The following SLC35F1 variants were observed in gnomAD, a reference collection of about 807,000 sequenced individuals.
SLC35F1 encodes chromosome 6 open reading frame 169.
In SLC35F1, 14 loss-of-function variants were observed where a neutral mutation model predicts 48.7. The observed-to-expected ratio is 0.29, with a 90% confidence interval of 0.19 to 0.45. The LOEUF is 0.45. Ranked by LOEUF, SLC35F1 falls within the 20% of genes least tolerant of loss-of-function variation. The pLI, the probability that SLC35F1 is intolerant of heterozygous loss-of-function variation, is 1.00. For missense variants in SLC35F1, 404 were observed against 500.0 expected, an observed-to-expected ratio of 0.81 and a Z score of 1.83; for synonymous variants, 190 against 202.2, an observed-to-expected ratio of 0.94 and a Z score of 0.51.
Position 117,935,107 on chromosome 6 carries a change from C to CAATA in SLC35F1, c.173+27227_173+27230dup, listed in dbSNP as rs550483714. On this transcript the variant is annotated intron_variant, in intron 1 of 7. Transcript: ENST00000360388. ...GGGCAACAAGAGCAAAACTCCATCTCAATAAATAAATAAATAAATAAACTA... is the reference window on the plus strand; with the variant it reads ...GGGCAACAAGAGCAAAACTCCATCTCAATAAATAAATAAATAAATAAATAAACTA... 1.3e-3 allele frequency among the ~76,000 whole-genome samples: 200 copies of CAATA among 152,140 alleles called. 1 individual carries two copies. The highest frequency in any genetic ancestry group is 4.1e-3 in the African/African-American group (169 of 41,522).
intron 1 of SLC35F1, among the ~76,000 whole-genome samples, chr6:118,025,363 C>T (rs1279554151): frequency 6.6e-6 from 1 of 152,096 alleles, no homozygotes; most frequent in African/African-American, 2.4e-5. Flanking sequence ...GAAAAGTACC[C>T]TTTTTGTCAC....
chr6:118,103,172 A>C (rs1051992201), intron 1 of SLC35F1, among the ~76,000 whole-genome samples: 12 of 152,184 alleles, frequency 7.9e-5, no homozygotes, highest in African/African-American at 2.9e-4. Context: ...CATCAACCTT[A>C]AAAGTTGATG....
intron 1 of SLC35F1, among the ~76,000 whole-genome samples, chr6:118,111,300 C>T (rs1773396200): frequency 6.6e-6 from 1 of 152,130 alleles, no homozygotes; most frequent in African/African-American, 2.4e-5. Flanking sequence ...ATCATATTCA[C>T]ACTGCAGAAA....
At chr6:118,013,259 C>T (rs188774124) in intron 1 of SLC35F1, among the ~76,000 whole-genome samples, 61 of 152,200 alleles carry the variant, frequency 4.0e-4, no homozygotes, top group African/African-American at 1.4e-3. Flanking sequence ...CTTTGAAGCT[C>T]GTCCAGGTGC....
intron 1 of SLC35F1, among the ~76,000 whole-genome samples, chr6:118,050,063 T>G (rs2114909183): frequency 6.6e-6 from 1 of 152,116 alleles, no homozygotes; most frequent in Admixed American, 6.5e-5. Context: ...ATGTCCTTTG[T>G]AGGGACATAG....
At chr6:118,294,841 CA>C (rs1015831874) in intron 7 of SLC35F1, among the ~76,000 whole-genome samples, 1 of 151,792 alleles carries the variant, frequency 6.6e-6, no homozygotes, top group Non-Finnish European at 1.5e-5. Flanking sequence ...AGAGAGATTT[CA>C]AAATCAGTTA....
intron 2 of SLC35F1, among the ~76,000 whole-genome samples, chr6:118,156,286 CA>C (rs1774139707): frequency 6.6e-6 from 1 of 151,956 alleles, no homozygotes. Context: ...TATTCTGAGC[CA>C]AATATGAGTG....
At chr6:118,138,914 G>C (rs913476534) in intron 1 of SLC35F1, among the ~76,000 whole-genome samples, 3 of 151,740 alleles carry the variant, frequency 2.0e-5, no homozygotes, top group Non-Finnish European at 4.4e-5. Context: ...CATCATATCA[G>C]TTCACTTATA....
At chr6:118,212,727 AAAGG>A (rs755835187) in intron 2 of SLC35F1, among the ~76,000 whole-genome samples, 23,777 of 93,282 alleles carry the variant, frequency 0.25, 3,085 homozygotes, top group Non-Finnish European at 0.27. Flanking sequence ...GGAAGGAAGG[AAAGG>A]AAGGAAGGAA....
intron 1 of SLC35F1, among the ~76,000 whole-genome samples, chr6:118,119,503 C>CCCA (rs1491187027): frequency 1.8e-5 from 1 of 56,944 alleles, no homozygotes; most frequent in Non-Finnish European, 3.0e-5. Flanking sequence ...CGCCCCCCCT[C>CCCA]CACCCCGCTT....
Position 118,116,971 on chromosome 6 carries a change from T to C in SLC35F1, c.174-37474T>C, listed in dbSNP as rs2114394089. Among the ~76,000 whole-genome samples, 4 of 152,346 alleles carry C rather than the reference T, an allele frequency of 2.6e-5. No individual in the cohort carries two copies. The South Asian group carries it at 8.3e-4, about 32-fold the overall frequency. The stretch of plus-strand genomic sequence containing the variant: ...CAACCCTTGGCTTTATTATTTCTAG[T>C]GCAATGAGGTGATTTCACAAGGCAG... On this transcript the variant is annotated intron_variant, in intron 1 of 7. Transcript: ENST00000360388.
At chr6:118,256,385 G>A (rs928722332) in intron 3 of SLC35F1, among the ~76,000 whole-genome samples, 2 of 152,086 alleles carry the variant, frequency 1.3e-5, no homozygotes, top group Non-Finnish European at 2.9e-5. Flanking sequence ...GGGAGAGTGG[G>A]GAAATGTTCT....
Position 118,142,256 on chromosome 6 carries a change from T to A in SLC35F1, c.174-12189T>A, listed in dbSNP as rs190264700. Among the ~76,000 whole-genome samples the A allele has an allele frequency of 4.4e-4, 67 of 152,268 alleles. No individual in the cohort carries two copies. In the East Asian group the frequency reaches 0.011, roughly 25 times the overall value. ...CCAGCCCCCTCATCATTGTCTTTTTTAAAATAAATTTAATGTATATATTTA... is the reference window on the plus strand; with the variant it reads ...CCAGCCCCCTCATCATTGTCTTTTTAAAAATAAATTTAATGTATATATTTA... On this transcript the variant is annotated intron_variant, in intron 1 of 7. Coordinates refer to ENST00000360388, the MANE Select transcript of SLC35F1 (RefSeq NM_001029858.4).
chr6:117,970,275 C>T (rs888671445), intron 1 of SLC35F1, among the ~76,000 whole-genome samples: 26 of 152,160 alleles, frequency 1.7e-4, no homozygotes, highest in African/African-American at 6.3e-4. Context: ...GCTCTCCTGA[C>T]TATAGTGATG....
chr6:117,913,042 C>G (rs1410416564), intron 1 of SLC35F1, among the ~76,000 whole-genome samples: 1 of 152,176 alleles, frequency 6.6e-6, no homozygotes, highest in Non-Finnish European at 1.5e-5. Flanking sequence ...TTACTTAATG[C>G]AAGAGATGTT....
At chr6:117,960,038 T>C (rs1776477499) in intron 1 of SLC35F1, among the ~76,000 whole-genome samples, 1 of 152,112 alleles carries the variant, frequency 6.6e-6, no homozygotes, top group African/African-American at 2.4e-5. Flanking sequence ...CTTTCAAGGA[T>C]AATTTAGTTC....
At chr6:118,067,689 G>T (rs529548341) in intron 1 of SLC35F1, among the ~76,000 whole-genome samples, 2 of 152,218 alleles carry the variant, frequency 1.3e-5, no homozygotes, top group Non-Finnish European at 2.9e-5. Context: ...TCAAGAGCAG[G>T]TGCAATTAAT....
At chr6:117,989,417 G>C (rs1033371574) in intron 1 of SLC35F1, among the ~76,000 whole-genome samples, 9 of 152,202 alleles carry the variant, frequency 5.9e-5, no homozygotes, top group Non-Finnish European at 1.2e-4. Context: ...TTCTGCATGT[G>C]AAGTGGCATG....
intron 1 of SLC35F1, among the ~76,000 whole-genome samples, chr6:117,943,275 G>A (rs537481220): frequency 6.6e-6 from 1 of 152,254 alleles, no homozygotes; most frequent in South Asian, 2.1e-4. Context: ...CAATTTAAGT[G>A]TTATTATAAT....
Sources: allele counts gnomAD v4.1 joint callset (sites outside exome capture counted in the v4.1 genomes callset), GRCh38; gene constraint gnomAD v4.1.1; transcripts MANE v1.5; gene names NCBI Gene and HGNC (gene_info 2026-07-23, HGNC 2026-07-21).